The following MYO16 variants were observed in gnomAD, a reference collection of about 807,000 sequenced individuals.
MYO16 encodes myosin XVI, also known as unconventional myosin-XVI.
A neutral mutation model predicts 205.3 loss-of-function variants in MYO16; 94 were observed. The ratio of observed to expected loss-of-function variants is 0.46; its 90% CI spans 0.39 to 0.54. The LOEUF is 0.54. Ranked by LOEUF, MYO16 falls within the 20% of genes least tolerant of loss-of-function variation. The pLI is 0.00. For synonymous variants in MYO16, 988 were observed against 954.0 expected (o/e 1.04, Z -0.66); for missense variants, 2,315 against 2,387.5 (o/e 0.97, Z 0.63).
At position 108,793,537 on chromosome 13, in the gene MYO16, G is replaced by T. The variant is rs537057276; in HGVS notation, c.638G>T (p.Arg213Leu). The T allele has an allele frequency of 2.9e-5, 47 of 1,613,792 alleles. No homozygotes were observed. In the South Asian group the frequency reaches 4.5e-4, roughly 15 times the overall value. ...DENGVDLTSLRQMKLQRPMSM... is the reference protein window; with the variant it reads ...DENGVDLTSLLQMKLQRPMSM... Reference sequence around the variant, plus strand: ...ACAGGAGTGGATTTGACCTCACTGCGCCAGATGAAGCTTCAGAGACCAATG... The same window carrying T: ...ACAGGAGTGGATTTGACCTCACTGCTCCAGATGAAGCTTCAGAGACCAATG... Residue 213 changes from arginine to leucine, a missense_variant, in exon 6 of 35, where the codon CGC becomes CTC. By Grantham distance (102) the Arg-to-Leu change is moderately radical. Around this residue, in one of 3 missense-constraint regions of MYO16, gnomAD observed 1,213 missense variants for 1,274.4 expected, o/e 0.95. Transcript: ENST00000457511.
rs750724202 is a variant in MYO16 at position 109,140,979 on chromosome 13, C to T, written c.4767C>T (p.Ala1589=). 1 of 1,406,302 alleles carries T rather than the reference C, an allele frequency of 7.1e-7. No individual in the cohort carries two copies. Among genetic ancestry groups the T allele is most frequent in the African/African-American group, 1.5e-5 (1 of 66,932 alleles). 87.1% of individuals were successfully genotyped at this position (1,406,302 alleles called of 1,614,324 possible). ...GLALFNGSGR[A]SPPSTPPPPP... ...CGCTGTTCAACGGGTCCGGCCGAGC[C>T]TCCCCGCCGTCCACGCCGCCCCCGC... Residue 1589 remains alanine (A), a synonymous_variant, in exon 32 of 35, where the codon GCC becomes GCT. Coordinates refer to ENST00000457511, the MANE Select transcript of MYO16 (RefSeq NM_001198950.3). The surrounding 1 kb of genome is among the most constrained non-coding windows in gnomAD (Gnocchi z 8.0).
At position 109,125,014 on chromosome 13, in the gene MYO16, A is replaced by G. The variant is rs149301833; in HGVS notation, c.3536-98A>G. ...TTCTGGGTTAAATGTACCTTATTCT[A>G]CAACTGCTCAGAGATAAGTATATTA... On this transcript the variant is annotated intron_variant, in intron 29 of 34. Coordinates refer to ENST00000457511, the MANE Select transcript of MYO16 (RefSeq NM_001198950.3). The surrounding 1 kb of genome is among the most constrained non-coding windows in gnomAD (Gnocchi z 4.0). The G allele has an allele frequency of 1.4e-5, 18 of 1,311,222 alleles. No individual in the cohort carries two copies. The African/African-American group carries it at 1.9e-4, about 14-fold the overall frequency. The allele number at this position is 1,311,222 out of a possible 1,614,324, so 81.2% of individuals were successfully genotyped here.
the MYO16 span, among the ~76,000 whole-genome samples, chr13:108,571,120 G>A: frequency 6.6e-6 from 1 of 152,116 alleles, no homozygotes; most frequent in African/African-American, 2.4e-5. Context: ...CAAGCAGTTT[G>A]TTCTGCAGTT....
intron 9 of MYO16, among the ~76,000 whole-genome samples, chr13:108,827,081 C>T (rs1219858684): frequency 1.3e-5 from 2 of 152,054 alleles, no homozygotes; most frequent in East Asian, 1.9e-4. Context: ...ACACAAAAAC[C>T]TGTACATAAA....
chr13:108,604,515 A>T (rs1878880864), intron 1 of MYO16, among the ~76,000 whole-genome samples: 1 of 152,240 alleles, frequency 6.6e-6, no homozygotes, highest in Non-Finnish European at 1.5e-5. Flanking sequence ...CAAAAGAACT[A>T]GCAGAATGAC....
chr13:108,708,692 C>T (rs1008244176), intron 2 of MYO16, among the ~76,000 whole-genome samples: 1 of 152,200 alleles, frequency 6.6e-6, no homozygotes, highest in African/African-American at 2.4e-5. Context: ...TCAAGAGCCA[C>T]TGTGGTGGAG....
Position 108,762,900 on chromosome 13 carries a change from T to C in MYO16, c.508-22735T>C, listed in dbSNP as rs553958498. On this transcript the variant is annotated intron_variant, in intron 4 of 34. Transcript: ENST00000457511. ...TTCTGAGGGGTTTACCTTTTCCCCA[T>C]GGCAGTCAAATTTACCTGCTTTTCA... Among the ~76,000 whole-genome samples, 5 of 152,250 alleles carry C rather than the reference T, an allele frequency of 3.3e-5. No homozygotes were observed. In the East Asian group the frequency reaches 5.8e-4, roughly 18 times the overall value.
chr13:109,100,682 GGGGAAACTTTT>G, intron 27 of MYO16, 92 bp from the exon 28 acceptor site: 1 of 838,028 alleles, frequency 1.2e-6, no homozygotes, highest in Non-Finnish European at 1.9e-6. Flanking sequence ...AAAGAAAGAC[GGGGAAACTTTT>G]GGGAAACGAT....
At chr13:109,073,371 G>A (rs1887987849) in intron 27 of MYO16, among the ~76,000 whole-genome samples, 1 of 151,674 alleles carries the variant, frequency 6.6e-6, no homozygotes, top group Non-Finnish European at 1.5e-5. Context: ...TTGGCCTCCC[G>A]AAGTTGTGTG....
the MYO16 span, among the ~76,000 whole-genome samples, chr13:108,520,143 C>T: frequency 1.3e-5 from 2 of 151,950 alleles, no homozygotes; most frequent in South Asian, 4.2e-4. Context: ...CTTTTTCTCT[C>T]TCCTTCTATG....
intron 27 of MYO16, among the ~76,000 whole-genome samples, chr13:109,095,579 C>CA (rs200940885): frequency 0.013 from 2,026 of 152,048 alleles, 43 homozygotes; most frequent in African/African-American, 0.046. Context: ...TTTTAAGTGT[C>CA]AAAAAAATAT....
At chr13:108,667,984 A>C (rs945614020) in intron 2 of MYO16, among the ~76,000 whole-genome samples, 1 of 152,170 alleles carries the variant, frequency 6.6e-6, no homozygotes, top group Non-Finnish European at 1.5e-5. Flanking sequence ...GGATATAATG[A>C]GCCATGATGG....
chr13:109,007,125 A>G (rs2139475618), intron 21 of MYO16, among the ~76,000 whole-genome samples: 1 of 152,374 alleles, frequency 6.6e-6, no homozygotes, highest in Non-Finnish European at 1.5e-5. Flanking sequence ...GCGGTGGCTC[A>G]TGCCTGTAAT....
chr13:108,503,445 G>GTTT, the MYO16 span, among the ~76,000 whole-genome samples: 30 of 148,320 alleles, frequency 2.0e-4, 1 homozygote, highest in Admixed American at 2.7e-4. Flanking sequence ...GCTCAAAAAA[G>GTTT]TTTTTTTTTT....
At chr13:109,043,575 A>C (rs181442071) in intron 23 of MYO16, among the ~76,000 whole-genome samples, 2 of 152,306 alleles carry the variant, frequency 1.3e-5, no homozygotes, top group East Asian at 3.9e-4. Context: ...GCAGTGTTGC[A>C]TTAAAGTGAG....
chr13:108,930,933 ATAGATAAATG>A (rs1882230212), intron 16 of MYO16, among the ~76,000 whole-genome samples: 1 of 152,250 alleles, frequency 6.6e-6, no homozygotes. Flanking sequence ...TTTAGATTAA[ATAGATAAATG>A]GAAATAGTTC....
intron 34 of MYO16, among the ~76,000 whole-genome samples, chr13:109,182,694 C>A (rs1345106728): frequency 6.6e-6 from 1 of 152,136 alleles, no homozygotes; most frequent in South Asian, 2.1e-4. Flanking sequence ...ACAAACTCTT[C>A]ATTTGTTCTC....
chr13:108,531,495 T>C, the MYO16 span, among the ~76,000 whole-genome samples: 1 of 152,134 alleles, frequency 6.6e-6, no homozygotes, highest in Non-Finnish European at 1.5e-5. Context: ...TAAAGTGGGC[T>C]TCGGGAGAAG....
chr13:108,518,172 AG>A, the MYO16 span, among the ~76,000 whole-genome samples: 1 of 152,230 alleles, frequency 6.6e-6, no homozygotes, highest in Non-Finnish European at 1.5e-5. Context: ...ACCGGGTAAA[AG>A]GGTAGAAAAA....
Sources: allele counts gnomAD v4.1 joint callset (sites outside exome capture counted in the v4.1 genomes callset), GRCh38; gene constraint gnomAD v4.1.1; regional missense constraint gnomAD v4.1.1; non-coding constraint Gnocchi (gnomAD v3.1); transcripts MANE v1.5; gene names NCBI Gene and HGNC (gene_info 2026-07-23, HGNC 2026-07-21).